The following YTHDC2 variants were observed in gnomAD, a reference collection of about 807,000 sequenced individuals.
YTHDC2 encodes 3'-5' RNA helicase YTHDC2.
A neutral mutation model predicts 174.9 loss-of-function variants in YTHDC2; 45 were observed. The observed-to-expected ratio is 0.26, with a 90% CI of 0.20 to 0.33. The LOEUF (loss-of-function observed/expected upper bound fraction) is 0.33, where lower values mean the gene tolerates loss of function less well. Among genes scored for constraint, YTHDC2 ranks in the 10% least tolerant of loss-of-function variants. The pLI is 1.00. For missense variants in YTHDC2, 1,650 were observed against 1,723.7 expected (o/e 0.96, Z 0.76); for synonymous variants, 657 against 574.5 (o/e 1.14, Z -2.05).
intron 10 of YTHDC2, among the ~76,000 whole-genome samples, chr5:113,548,072 C>G (rs956992868): frequency 1.3e-4 from 20 of 152,058 alleles, no homozygotes; most frequent in Non-Finnish European, 2.6e-4. Flanking sequence ...GGATTAAAAG[C>G]AAAGTAAAAT....
intron 10 of YTHDC2, among the ~76,000 whole-genome samples, chr5:113,543,607 A>G (rs1775634266): frequency 6.6e-6 from 1 of 152,252 alleles, no homozygotes; most frequent in African/African-American, 2.4e-5. Flanking sequence ...CCTTTCATAA[A>G]GGAAATTGGA....
intron 26 of YTHDC2, among the ~76,000 whole-genome samples, chr5:113,585,425 A>G (rs1778627458): frequency 6.6e-6 from 1 of 152,108 alleles, no homozygotes; most frequent in South Asian, 2.1e-4. Context: ...AGGAAAATAA[A>G]TGTTTTTGTA....
At chr5:113,580,375 A>G (rs185379091) in intron 24 of YTHDC2, among the ~76,000 whole-genome samples, 31 of 152,298 alleles carry the variant, frequency 2.0e-4, no homozygotes, top group Admixed American at 5.9e-4. Flanking sequence ...AGAGAAAGAT[A>G]TGATTCCATA....
At position 113,553,860 on chromosome 5, in the gene YTHDC2, C is replaced by A; in HGVS notation, c.2052+6C>A. 2 of 1,582,442 alleles carry A rather than the reference C, an allele frequency of 1.3e-6. No individual in the cohort carries two copies. The highest frequency in any genetic ancestry group is 1.7e-6 in the Non-Finnish European group (2 of 1,173,696). On this transcript the variant is annotated splice_donor_region_variant and intron_variant, in intron 15 of 29. Transcript: ENST00000161863. ...CTGCAGGTGTTCGAAAAATAGTAAG[C>A]TTCATAAAATCTTCTTTTTAACACT...
rs546181957 is a variant in YTHDC2, at chr5:113,556,277, GCCATT to G, written c.2216+144_2216+148del. 1.2e-3 allele frequency: 548 copies of G among 474,864 alleles called. 3 individuals carry two copies. Among genetic ancestry groups the G allele is most frequent in the African/African-American group, 9.7e-3 (482 of 49,872 alleles). The allele number at this position is 474,864 out of a possible 1,614,324, so 29.4% of individuals were successfully genotyped here. ...TTTTTATATTATTTTTGCAAAGCAA[GCCATT>G]TTGATACTTCCTTAAAAGTTGAATG... On this transcript the variant is annotated intron_variant, in intron 17 of 29. Transcript: ENST00000161863.
intron 24 of YTHDC2, among the ~76,000 whole-genome samples, chr5:113,580,297 A>T (rs1275108869): frequency 3.3e-5 from 5 of 152,162 alleles, no homozygotes; most frequent in Non-Finnish European, 2.9e-5. Context: ...GTATTTCTGG[A>T]TATATAAGAA....
intron 7 of YTHDC2, among the ~76,000 whole-genome samples, chr5:113,538,833 T>C (rs1472750249): frequency 6.6e-6 from 1 of 152,136 alleles, no homozygotes; most frequent in Non-Finnish European, 1.5e-5. Flanking sequence ...ATGATATTGA[T>C]GCCAGACACA....
intron 26 of YTHDC2, 144 bp downstream of exon 26, chr5:113,584,623 G>T: frequency 1.5e-6 from 1 of 683,422 alleles, no homozygotes; most frequent in East Asian, 2.8e-5. Flanking sequence ...ACTTGATACA[G>T]TTTGAGTAAA....
rs751046393 is a variant in YTHDC2 at position 113,553,794 on chromosome 5, T to C, written c.1992T>C (p.Asn664=). 6 of 1,612,562 alleles carry C rather than the reference T, an allele frequency of 3.7e-6. No individual in the cohort carries two copies. The highest frequency in any genetic ancestry group is 2.5e-6 in the Non-Finnish European group (3 of 1,179,408). Residue 664 remains asparagine, a synonymous_variant, in exon 15 of 30, where the codon AAT becomes AAC. Transcript: ENST00000161863. Reference sequence around the variant, plus strand: ...ACCAAGTCTTTATGCTTCATTCAAATATGCAAACATCCGATCAAAAGAAAG... The same window carrying C: ...ACCAAGTCTTTATGCTTCATTCAAACATGCAAACATCCGATCAAAAGAAAG... ...HRYQVFMLHS[N]MQTSDQKKVL...
At chr5:113,592,550 C>G (rs73781726) in intron 28 of YTHDC2, 5,231 of 155,966 alleles carry the variant, frequency 0.034, 330 homozygotes, top group African/African-American at 0.12. Flanking sequence ...TGACCAAATA[C>G]TATGCTAGCT....
In YTHDC2 at chr5:113,542,436, A is replaced by T. The variant is rs1775551556; in HGVS notation, c.1428A>T (p.Ile476=). 1 of 1,612,940 alleles carries T rather than the reference A, an allele frequency of 6.2e-7. No individual in the cohort carries two copies. The change falls in exon 10 of 30, where the codon ATA becomes ATT. Residue 476 remains isoleucine, a synonymous_variant. Transcript: ENST00000161863. ...AAATGGATGCTTGCCTTTCTGATAT[A>T]TGGCTACATAAAGATATTGATGCCT... The part of the protein sequence containing the change: ...IKEMDACLSD[I]WLHKDIDAFA...
chr5:113,533,761 A>T (rs541225989), intron 5 of YTHDC2, among the ~76,000 whole-genome samples: 1 of 152,166 alleles, frequency 6.6e-6, no homozygotes, highest in Non-Finnish European at 1.5e-5. Context: ...CTGAAATCCA[A>T]GATGCTAAAA....
chr5:113,584,187 C>T, intron 25 of YTHDC2, 115 bp from the exon 26 acceptor site: 2 of 791,424 alleles, frequency 2.5e-6, no homozygotes, highest in Non-Finnish European at 3.8e-6. Flanking sequence ...ATCATAAGAT[C>T]ATTGGGACTT....
At chr5:113,576,657 A>G (rs550440907) in intron 23 of YTHDC2, among the ~76,000 whole-genome samples, 4 of 152,288 alleles carry the variant, frequency 2.6e-5, no homozygotes, top group African/African-American at 9.6e-5. Context: ...GTCAAAAAGA[A>G]ATAACTCTCC....
At chr5:113,520,371 G>T (rs370110715) in intron 2 of YTHDC2, among the ~76,000 whole-genome samples, 14 of 152,146 alleles carry the variant, frequency 9.2e-5, no homozygotes, top group African/African-American at 3.4e-4. Context: ...GAAGATATTA[G>T]AAATGAAAAT....
intron 4 of YTHDC2, among the ~76,000 whole-genome samples, chr5:113,530,037 A>G (rs1217014417): frequency 1.3e-5 from 2 of 152,166 alleles, no homozygotes; most frequent in African/African-American, 4.8e-5. Context: ...CTTGGCCTCA[A>G]GGGATCCTCC....
chr5:113,526,036 C>T (rs1274906180), intron 3 of YTHDC2, among the ~76,000 whole-genome samples: 1 of 152,006 alleles, frequency 6.6e-6, no homozygotes, highest in Admixed American at 6.6e-5. Context: ...ACATTAGGAC[C>T]TTTATATTTA....
At chr5:113,537,291 C>G (rs1029001375) in intron 7 of YTHDC2, among the ~76,000 whole-genome samples, 3 of 150,086 alleles carry the variant, frequency 2.0e-5, no homozygotes, top group African/African-American at 7.3e-5. Flanking sequence ...AATTGCCAAT[C>G]TGATATTCAA....
At position 113,550,370 on chromosome 5, in the gene YTHDC2, C is replaced by T. The variant is rs114373164; in HGVS notation, c.1688+1350C>T. Among the ~76,000 whole-genome samples, 386 of 151,690 alleles carry T rather than the reference C, an allele frequency of 2.5e-3. 3 individuals are homozygous for T. The highest frequency in any genetic ancestry group is 9.0e-3 in the African/African-American group (373 of 41,318). ...AGAATTACTATCAGATCACAGAAAA[C>T]TAAGCAAATAAAAATTAGACAGTTG... On this transcript the variant is annotated intron_variant, in intron 12 of 29. Coordinates refer to ENST00000161863, the MANE Select transcript of YTHDC2 (RefSeq NM_022828.5).
Sources: gnomAD v4.1 joint callset for allele counts (sites outside exome capture counted in the v4.1 genomes callset) on GRCh38, gnomAD v4.1.1 for gene constraint, MANE v1.5 for transcripts, NCBI Gene and HGNC (gene_info 2026-07-23, HGNC 2026-07-21) for gene names.